CD109: variants seen among roughly 807,000 people sequenced by gnomAD.
CD109 encodes the protein CD109 antigen.
A neutral mutation model predicts 165.8 loss-of-function variants in CD109; 149 were observed. The ratio of observed to expected loss-of-function variants is 0.90; its 90% confidence interval spans 0.79 to 1.03. The LOEUF (loss-of-function observed/expected upper bound fraction) is 1.03. CD109 is among the 50% of genes least tolerant of loss of function. The pLI, the probability that CD109 is intolerant of heterozygous loss-of-function variation, is 0.00. For missense variants in CD109, 1,712 were observed against 1,677.8 expected (o/e 1.02, Z -0.36); for synonymous variants, 585 against 592.1 (o/e 0.99, Z 0.18).
intron 23 of CD109, among the ~76,000 whole-genome samples, chr6:73,802,172 T>G (rs963564725): frequency 6.6e-6 from 1 of 151,794 alleles, no homozygotes; most frequent in Admixed American, 6.6e-5. Context: ...ACATTTGCTT[T>G]TATTAATGCA....
rs761070048 is a variant in CD109, at chr6:73,788,564, C to T, written c.2653C>T (p.Pro885Ser). 9.9e-6 allele frequency: 16 copies of T among 1,613,324 alleles called. No homozygotes were observed. Among genetic ancestry groups the T allele is most frequent in the East Asian group, 2.2e-5 (1 of 44,836 alleles). ...CCTGAAAACTTTGAGTTTCTCATTT[C>T]CTCCTAATACAGTGACTGGCAGTGA... ...STLKTLSFSFPPNTVTGSERV... is the reference protein window; with the variant it reads ...STLKTLSFSFSPNTVTGSERV... Residue 885 changes from proline to serine, a missense_variant, in exon 22 of 33, where the codon CCT becomes TCT. Physicochemically the swap from Pro to Ser is moderately conservative, Grantham distance 74. Transcript: ENST00000287097.
chr6:73,735,844 G>C (rs190119114), intron 4 of CD109, among the ~76,000 whole-genome samples: 94 of 152,260 alleles, frequency 6.2e-4, no homozygotes, highest in Admixed American at 5.5e-3. Flanking sequence ...GTAATGATTA[G>C]AGATAAGGCA....
intron 11 of CD109, among the ~76,000 whole-genome samples, chr6:73,766,434 A>T (rs1277907375): frequency 6.6e-6 from 1 of 151,984 alleles, no homozygotes; most frequent in Non-Finnish European, 1.5e-5. Flanking sequence ...GTTTGAGGTC[A>T]GTCATTTGAA....
At chr6:73,683,893 A>G in the CD109 span, among the ~76,000 whole-genome samples, 1 of 152,158 alleles carries the variant, frequency 6.6e-6, no homozygotes, top group South Asian at 2.1e-4. Context: ...CATGGGAAAG[A>G]CCTGCTCCCA....
chr6:73,709,218 T>A (rs527930991), intron 2 of CD109, among the ~76,000 whole-genome samples: 2 of 152,180 alleles, frequency 1.3e-5, no homozygotes, highest in African/African-American at 4.8e-5. Context: ...TTTCTACATA[T>A]GGCTAGCCAG....
chr6:73,736,099 C>T (rs971916494), intron 4 of CD109, among the ~76,000 whole-genome samples: 2 of 152,152 alleles, frequency 1.3e-5, no homozygotes, highest in East Asian at 1.9e-4. Context: ...ATAGAGCCTA[C>T]GTTTTCCAAA....
In CD109 at chr6:73,823,450, T is replaced by G. The variant is rs772140323; in HGVS notation, c.4163-8T>G. Reference sequence around the variant, plus strand: ...GCCGTGTGAACTGATGTCTGCTTCTTTGAACAGGGAGACAGGCGGTGAGAA... The same window carrying G: ...GCCGTGTGAACTGATGTCTGCTTCTGTGAACAGGGAGACAGGCGGTGAGAA... On this transcript the variant is annotated splice_region_variant and splice_polypyrimidine_tract_variant and intron_variant, in intron 32 of 32. Coordinates refer to ENST00000287097, the MANE Select transcript of CD109 (RefSeq NM_133493.5). The G allele has an allele frequency of 6.3e-7, 1 of 1,597,804 alleles. No individual in the cohort carries two copies. Among genetic ancestry groups the G allele is most frequent in the Non-Finnish European group, 8.6e-7 (1 of 1,168,336 alleles).
At chr6:73,810,308 A>G (rs1775709019) in intron 27 of CD109, 134 bp downstream of exon 27, 1 of 270,266 alleles carries the variant, frequency 3.7e-6, no homozygotes, top group African/African-American at 2.3e-5. Flanking sequence ...TTTTAAAAGT[A>G]TGTGGTTGCA....
At chr6:73,792,859 A>T (rs1195086145) in intron 23 of CD109, 57 bp downstream of exon 23, 1 of 1,349,448 alleles carries the variant, frequency 7.4e-7, no homozygotes, top group African/African-American at 1.5e-5. Context: ...TTTTTCAGGT[A>T]GGGTTCATTC....
intron 2 of CD109, among the ~76,000 whole-genome samples, chr6:73,715,533 C>G (rs1362543539): frequency 6.7e-6 from 1 of 148,306 alleles, no homozygotes; most frequent in Non-Finnish European, 1.5e-5. Flanking sequence ...CCACTGTACT[C>G]CAGCCTGGGT....
At chr6:73,794,549 A>G (rs1775089245) in intron 23 of CD109, among the ~76,000 whole-genome samples, 1 of 152,198 alleles carries the variant, frequency 6.6e-6, no homozygotes, top group South Asian at 2.1e-4. Context: ...AGCTGGAGTC[A>G]GTGTCTGAAG....
At chr6:73,822,256 C>T (rs187443445) in intron 32 of CD109, among the ~76,000 whole-genome samples, 5 of 152,246 alleles carry the variant, frequency 3.3e-5, no homozygotes, top group Non-Finnish European at 7.4e-5. Flanking sequence ...TTTGAATAAG[C>T]GCTTGTGGTG....
chr6:73,815,207 A>T, intron 30 of CD109, 84 bp downstream of exon 30: 1 of 1,146,186 alleles, frequency 8.7e-7, no homozygotes, highest in Non-Finnish European at 1.2e-6. Context: ...GTCTATATCA[A>T]TCTAAGAGTT....
intron 22 of CD109, among the ~76,000 whole-genome samples, chr6:73,790,164 G>C (rs1196812189): frequency 7.0e-6 from 1 of 143,706 alleles, no homozygotes; most frequent in Non-Finnish European, 1.5e-5. Flanking sequence ...GTGTGATCTC[G>C]GTTTACTGCA....
At chr6:73,812,907 C>T (rs755214860) in intron 29 of CD109, among the ~76,000 whole-genome samples, 4 of 151,988 alleles carry the variant, frequency 2.6e-5, no homozygotes, top group Non-Finnish European at 5.9e-5. Context: ...TGGTTGTGTG[C>T]TTGGGTAGAA....
intron 5 of CD109, among the ~76,000 whole-genome samples, chr6:73,754,605 A>C (rs1426212672): frequency 6.6e-6 from 1 of 152,234 alleles, no homozygotes; most frequent in African/African-American, 2.4e-5. Context: ...TCAAATAAGT[A>C]AGTTGATTTC....
chr6:73,792,845 TG>T (rs1203808994), intron 23 of CD109, 43 bp downstream of exon 23: 3 of 1,536,760 alleles, frequency 2.0e-6, no homozygotes, highest in Non-Finnish European at 2.6e-6. Flanking sequence ...GAAAAAAATT[TG>T]TTTTTTTCAG....
At chr6:73,819,601 T>A (rs970446292) in intron 31 of CD109, among the ~76,000 whole-genome samples, 1 of 152,240 alleles carries the variant, frequency 6.6e-6, no homozygotes, top group Non-Finnish European at 1.5e-5. Flanking sequence ...TCTTGAATGG[T>A]CTCATTTGTT....
chr6:73,694,324 C>T (rs897659281), upstream of CD109: 1 of 152,142 alleles, frequency 6.6e-6, no homozygotes, highest in East Asian at 1.9e-4. Context: ...AATCCATATG[C>T]CTAAATTTTT....
Sources: gnomAD v4.1 joint callset for allele counts (sites outside exome capture counted in the v4.1 genomes callset) on GRCh38, gnomAD v4.1.1 for gene constraint, MANE v1.5 for transcripts, NCBI Gene and HGNC (gene_info 2026-07-23, HGNC 2026-07-21) for gene names.